The following BST1 variants were observed in gnomAD, a reference collection of about 807,000 sequenced individuals.
The protein encoded by BST1 is bone marrow stromal cell antigen 1.
BST1 carries 49 observed loss-of-function variants against 40.6 expected under a neutral mutation model. The observed-to-expected ratio is 1.21, with a 90% CI of 0.96 to 1.53. The LOEUF (loss-of-function observed/expected upper bound fraction) is 1.53, where lower values mean the gene tolerates loss of function less well. Ranked by LOEUF, BST1 falls within the 40% of genes most tolerant of loss-of-function variation. BST1 has a pLI of 0.00. For missense variants in BST1, 423 were observed against 395.9 expected (o/e 1.07, Z -0.58); for synonymous variants, 157 against 159.3 (o/e 0.99, Z 0.11).
chr4:15,736,378 G>C (rs557433312), downstream of BST1, among the ~76,000 whole-genome samples: 1 of 152,212 alleles, frequency 6.6e-6, no homozygotes, highest in South Asian at 2.1e-4. Context: ...CCAGCACTTT[G>C]TGAGGCCAAG....
rs923290172 is a variant in BST1 at position 15,714,247 on chromosome 4, G to A, written c.535-1038G>A. 3.3e-5 allele frequency among the ~76,000 whole-genome samples: 5 copies of A among 152,082 alleles called. No individual in the cohort carries two copies. The East Asian group carries it at 9.6e-4, about 29-fold the overall frequency. ...TTGGTATTGTGTATCACTTTGCTAG[G>A]GAGTGAATCCAGCCACCTATACGTC... On this transcript the variant is annotated intron_variant, in intron 4 of 8. Coordinates refer to ENST00000265016, the MANE Select transcript of BST1 (RefSeq NM_004334.3).
chr4:15,744,993 T>C, the BST1 span, among the ~76,000 whole-genome samples: 2 of 152,204 alleles, frequency 1.3e-5, no homozygotes. Flanking sequence ...ATAAAACATG[T>C]TTAGCATTTC....
chr4:15,754,483 A>C, the BST1 span, among the ~76,000 whole-genome samples: 1 of 152,180 alleles, frequency 6.6e-6, no homozygotes, highest in African/African-American at 2.4e-5. Context: ...CTGTGAACTC[A>C]GTGCCCCTGG....
At chr4:15,736,536 G>A (rs1254072956), downstream of BST1, among the ~76,000 whole-genome samples, 2 of 151,786 alleles carry the variant, frequency 1.3e-5, no homozygotes, top group Non-Finnish European at 2.9e-5. Flanking sequence ...CTTGAACCAA[G>A]GACACAGAGG....
At chr4:15,769,989 G>A in the BST1 span, among the ~76,000 whole-genome samples, 25 of 152,120 alleles carry the variant, frequency 1.6e-4, no homozygotes, top group African/African-American at 6.0e-4. Flanking sequence ...ACAGGTGTGT[G>A]CCACTGCGCC....
chr4:15,727,127 G>A (rs759732675), intron 8 of BST1, among the ~76,000 whole-genome samples: 4 of 152,120 alleles, frequency 2.6e-5, no homozygotes, highest in Admixed American at 6.6e-5. Flanking sequence ...TGATGCTGAG[G>A]TTCAGAAGGA....
the BST1 span, among the ~76,000 whole-genome samples, chr4:15,772,007 G>GTCTCTCTC: frequency 0.12 from 18,317 of 148,770 alleles, 1,265 homozygotes; most frequent in East Asian, 0.22. Context: ...AACAATGAAG[G>GTCTCTCTC]TCTCTCTCTC....
In BST1 at chr4:15,703,140, C is replaced by A; in HGVS notation, c.-5C>A. ...GCACGGGACTGGAGGGACCAAAGTT[C>A]CCCGATGGCGGCCCAGGGGTGCGCG... is the stretch of plus-strand genomic sequence containing the variant. On this transcript the variant is annotated 5_prime_UTR_variant, in exon 1 of 9. Transcript: ENST00000265016. 1.3e-6 allele frequency: 2 copies of A among 1,580,856 alleles called. No homozygotes were observed. The highest frequency in any genetic ancestry group is 1.1e-5 in the South Asian group (1 of 87,202).
the BST1 span, among the ~76,000 whole-genome samples, chr4:15,759,601 C>T: frequency 6.6e-6 from 1 of 151,680 alleles, no homozygotes; most frequent in Non-Finnish European, 1.5e-5. Context: ...CTCTTCCATC[C>T]CCTTTCTTCT....
the BST1 span, among the ~76,000 whole-genome samples, chr4:15,771,735 C>T: frequency 6.6e-6 from 1 of 152,188 alleles, no homozygotes; most frequent in African/African-American, 2.4e-5. Flanking sequence ...TGTCTTTTGA[C>T]CCAGGAAGTC....
intron 8 of BST1, among the ~76,000 whole-genome samples, chr4:15,725,932 C>T (rs1331383123): frequency 7.3e-6 from 1 of 137,484 alleles, no homozygotes; most frequent in Admixed American, 7.5e-5. Context: ...GACTGACCTA[C>T]TTGTGAAGTG....
the BST1 span, among the ~76,000 whole-genome samples, chr4:15,768,608 C>G: frequency 6.6e-6 from 1 of 151,830 alleles, no homozygotes; most frequent in African/African-American, 2.4e-5. Flanking sequence ...ATTCTCCTGC[C>G]TCAGCCTCCC....
chr4:15,717,725 G>C (rs986835706), intron 6 of BST1, among the ~76,000 whole-genome samples: 21 of 152,214 alleles, frequency 1.4e-4, no homozygotes, highest in African/African-American at 4.8e-4. Flanking sequence ...TACCAAGACA[G>C]TTGTAGGTAA....
At chr4:15,759,207 T>A in the BST1 span, among the ~76,000 whole-genome samples, 3 of 151,914 alleles carry the variant, frequency 2.0e-5, no homozygotes, top group Non-Finnish European at 4.4e-5. Context: ...AAGAATAACA[T>A]CCAGATTATA....
the BST1 span, among the ~76,000 whole-genome samples, chr4:15,757,736 G>A: frequency 1.3e-5 from 2 of 152,086 alleles, no homozygotes; most frequent in Admixed American, 1.3e-4. Flanking sequence ...CCATCTCCTG[G>A]GTTCGAGTGA....
the BST1 span, among the ~76,000 whole-genome samples, chr4:15,750,108 T>C: frequency 6.6e-6 from 1 of 152,082 alleles, no homozygotes; most frequent in African/African-American, 2.4e-5. Context: ...CTGCCCAACC[T>C]CCGCCACCCA....
chr4:15,733,596 G>A (rs1721462473), downstream of BST1, among the ~76,000 whole-genome samples: 1 of 152,228 alleles, frequency 6.6e-6, no homozygotes, highest in Admixed American at 6.5e-5. Context: ...AAGCATGGCT[G>A]GGGAGGCCTC....
chr4:15,706,757 GTGGGGAAGC>G (rs1719899942), intron 2 of BST1, among the ~76,000 whole-genome samples: 1 of 152,206 alleles, frequency 6.6e-6, no homozygotes, highest in Non-Finnish European at 1.5e-5. Context: ...GTCACTAAAA[GTGGGGAAGC>G]TGACTTTTTA....
the BST1 span, among the ~76,000 whole-genome samples, chr4:15,752,321 A>C: frequency 6.6e-6 from 1 of 152,150 alleles, no homozygotes; most frequent in East Asian, 1.9e-4. Flanking sequence ...TTAAATGAGA[A>C]GTCTGGATAG....
Sources: allele counts gnomAD v4.1 joint callset (sites outside exome capture counted in the v4.1 genomes callset), GRCh38; gene constraint gnomAD v4.1.1; transcripts MANE v1.5; gene names NCBI Gene and HGNC (gene_info 2026-07-23, HGNC 2026-07-21).